The following INPP5A variants were observed in gnomAD, a reference collection of about 807,000 sequenced individuals.
The protein encoded by INPP5A is inositol polyphosphate-5-phosphatase A.
Under a neutral mutation model 65.2 loss-of-function variants are expected in INPP5A, and 14 were observed. The ratio of observed to expected loss-of-function variants is 0.21; its 90% CI spans 0.14 to 0.34. The LOEUF (loss-of-function observed/expected upper bound fraction) is 0.34, where lower values mean the gene tolerates loss of function less well. Ranked by LOEUF, INPP5A falls within the 10% of genes least tolerant of loss-of-function variation. The pLI is 1.00. For missense variants in INPP5A, 431 were observed against 545.6 expected (o/e 0.79, Z 2.09); for synonymous variants, 207 against 208.3 (o/e 0.99, Z 0.05).
At chr10:132,700,267 G>T (rs1233662265) in intron 6 of INPP5A, among the ~76,000 whole-genome samples, 1 of 152,260 alleles carries the variant, frequency 6.6e-6, no homozygotes, top group African/African-American at 2.4e-5. Flanking sequence ...AAAGCAGCGT[G>T]TCGCTGTCTG....
chr10:132,745,128 C>T (rs982283144), intron 9 of INPP5A, among the ~76,000 whole-genome samples: 6 of 152,174 alleles, frequency 3.9e-5, no homozygotes, highest in Admixed American at 2.6e-4. Flanking sequence ...CACAGGGTGA[C>T]GTGGTGGGAG....
intron 2 of INPP5A, among the ~76,000 whole-genome samples, chr10:132,633,058 G>A (rs1408820946): frequency 6.6e-6 from 1 of 152,202 alleles, no homozygotes; most frequent in Non-Finnish European, 1.5e-5. Context: ...CATGGAGGAG[G>A]CCTCTGTCCC....
At chr10:132,712,442 GGT>G (rs776998867) in intron 8 of INPP5A, among the ~76,000 whole-genome samples, 36 of 150,196 alleles carry the variant, frequency 2.4e-4, no homozygotes, top group Middle Eastern at 7.1e-3. Flanking sequence ...CGCGTGTGTG[GGT>G]GTGTGTGGGT....
intron 1 of INPP5A, among the ~76,000 whole-genome samples, chr10:132,586,672 G>C (rs767655167): frequency 1.3e-5 from 2 of 152,270 alleles, no homozygotes; most frequent in Non-Finnish European, 2.9e-5. Flanking sequence ...GTGCGCCAGA[G>C]CCTCGTGGTG....
chr10:132,682,019 G>C (rs888480119), intron 4 of INPP5A, among the ~76,000 whole-genome samples: 4 of 152,260 alleles, frequency 2.6e-5, no homozygotes, highest in Non-Finnish European at 4.4e-5. Flanking sequence ...ACAGTGCCTG[G>C]TTGCCAGGGG....
intron 6 of INPP5A, among the ~76,000 whole-genome samples, chr10:132,702,231 C>A (rs1264073444): frequency 6.6e-6 from 1 of 152,166 alleles, no homozygotes; most frequent in Admixed American, 6.5e-5. Flanking sequence ...TTCTGAGATT[C>A]ATTTGCAATT....
intron 2 of INPP5A, among the ~76,000 whole-genome samples, chr10:132,635,821 A>T (rs960305831): frequency 6.6e-6 from 1 of 151,962 alleles, no homozygotes; most frequent in East Asian, 1.9e-4. Context: ...AAAAAAAAAA[A>T]AATTAGCTGG....
chr10:132,692,089 G>A (rs1287767310), intron 5 of INPP5A, among the ~76,000 whole-genome samples: 1 of 152,114 alleles, frequency 6.6e-6, no homozygotes, highest in African/African-American at 2.4e-5. Flanking sequence ...TCAGGCTCGG[G>A]GGTCAGGCTA....
At chr10:132,605,077 C>T (rs762364416) in intron 1 of INPP5A, among the ~76,000 whole-genome samples, 15 of 150,640 alleles carry the variant, frequency 1.0e-4, no homozygotes, top group Non-Finnish European at 2.1e-4. Context: ...AGACTGGAAG[C>T]AGGTAAGGAC....
chr10:132,710,762 G>A (rs1178974132), intron 8 of INPP5A, among the ~76,000 whole-genome samples: 1 of 149,126 alleles, frequency 6.7e-6, no homozygotes, highest in Non-Finnish European at 1.5e-5. Flanking sequence ...GCAGGTAGGT[G>A]TGAGTGGAGA....
rs2072944232 is a variant in INPP5A, at chr10:132,674,970, G to A, written c.307-15422G>A. On this transcript the variant is annotated intron_variant, in intron 4 of 15. Coordinates refer to ENST00000368594, the MANE Select transcript of INPP5A (RefSeq NM_005539.5). This position sits in a 1 kb window ranked among gnomAD's most constrained non-coding sequence, Gnocchi z 4.4. ...GCCACTGACACCTCAAGCACCATTG[G>A]ATCTGCTGGGTCATATGGCCCAAGT... Among the ~76,000 whole-genome samples the A allele has an allele frequency of 6.6e-6, 1 of 152,184 alleles. No homozygotes were observed. Among genetic ancestry groups the A allele is most frequent in the Non-Finnish European group, 1.5e-5 (1 of 68,042 alleles).
At chr10:132,672,801 C>T (rs755613667) in intron 4 of INPP5A, among the ~76,000 whole-genome samples, 8 of 152,208 alleles carry the variant, frequency 5.3e-5, no homozygotes, top group African/African-American at 1.4e-4. Flanking sequence ...TTGGACCCCA[C>T]GCCTTCCACG....
At chr10:132,576,718 T>C (rs764255022) in intron 1 of INPP5A, among the ~76,000 whole-genome samples, 2 of 152,242 alleles carry the variant, frequency 1.3e-5, no homozygotes, top group Non-Finnish European at 2.9e-5. Flanking sequence ...TAAATGGTTG[T>C]CACCTCATTT....
At chr10:132,540,422 A>T (rs1225164756) in intron 1 of INPP5A, among the ~76,000 whole-genome samples, 1 of 152,254 alleles carries the variant, frequency 6.6e-6, no homozygotes, top group East Asian at 1.9e-4. Flanking sequence ...TCAACAGTAC[A>T]TAGGTTAATT....
intron 1 of INPP5A, among the ~76,000 whole-genome samples, chr10:132,583,686 T>C (rs1481116972): frequency 6.6e-6 from 1 of 152,218 alleles, no homozygotes; most frequent in African/African-American, 2.4e-5. Context: ...CCCCACACTT[T>C]CTCCTTTATT....
chr10:132,564,302 C>A (rs1424880228), intron 1 of INPP5A, among the ~76,000 whole-genome samples: 1 of 152,106 alleles, frequency 6.6e-6, no homozygotes, highest in East Asian at 1.9e-4. Flanking sequence ...TCTTACGGAT[C>A]TTATGGAGGA....
chr10:132,714,522 C>G lies in INPP5A; in HGVS notation c.647+4066C>G, dbSNP rs1845706051. On this transcript the variant is annotated intron_variant, in intron 8 of 15. Transcript: ENST00000368594. ...GGAGACAGCGAGGAGGCTCCTGCAGCCTCTTCCTGGTTTAATCTCCCCGCG... is the reference window on the plus strand; with the variant it reads ...GGAGACAGCGAGGAGGCTCCTGCAGGCTCTTCCTGGTTTAATCTCCCCGCG... Among the ~76,000 whole-genome samples, 3 of 152,204 alleles carry G rather than the reference C, an allele frequency of 2.0e-5. No homozygotes were observed. In the South Asian group the frequency reaches 6.2e-4, roughly 32 times the overall value.
At position 132,690,426 on chromosome 10, in the gene INPP5A, T is replaced by C. The variant is rs772772860; in HGVS notation, c.341T>C (p.Leu114Ser). ...LGSFYFLHES[L>S]KNIYQFDFKA... ...AGCTTTTATTTTCTTCATGAGTCCT[T>C]AAAAAACATCTACCAGTTTGACTTT... Residue 114 changes from leucine to serine, a missense_variant, in exon 5 of 16, where the codon TTA (leucine) becomes TCA (serine). Leu to Ser is a moderately radical substitution (Grantham distance 145). Transcript: ENST00000368594. 10 of 1,613,002 alleles carry C rather than the reference T, an allele frequency of 6.2e-6. 1 individual carries two copies. The South Asian group carries it at 9.9e-5, about 16-fold the overall frequency.
chr10:132,724,542 C>T (rs569622737), intron 8 of INPP5A, among the ~76,000 whole-genome samples: 4 of 152,258 alleles, frequency 2.6e-5, no homozygotes, highest in East Asian at 1.9e-4. Flanking sequence ...AGCAGGAGCA[C>T]GTGTTCACCA....
Sources: gnomAD v4.1 joint callset for allele counts (sites outside exome capture counted in the v4.1 genomes callset) on GRCh38, gnomAD v4.1.1 for gene constraint, Gnocchi (gnomAD v3.1) non-coding constraint, MANE v1.5 for transcripts, NCBI Gene and HGNC (gene_info 2026-07-23, HGNC 2026-07-21) for gene names.